The following LRMDA variants were observed in gnomAD, a reference collection of about 807,000 sequenced individuals.
LRMDA encodes leucine rich melanocyte differentiation associated, also known as leucine-rich melanocyte differentiation-associated protein.
A neutral mutation model predicts 29.8 loss-of-function variants in LRMDA; 18 were observed. The observed-to-expected ratio is 0.60, with a 90% CI of 0.42 to 0.90. The LOEUF is 0.90. Ranked by LOEUF, LRMDA falls within the 40% of genes least tolerant of loss-of-function variation. LRMDA has a pLI of 0.00. For missense variants in LRMDA, 273 were observed against 273.9 expected, an observed-to-expected ratio of 1.00 and a Z score of 0.02; for synonymous variants, 125 against 109.4, an observed-to-expected ratio of 1.14 and a Z score of -0.89.
In LRMDA at chr10:75,741,635, C is replaced by T. The variant is rs114475850; in HGVS notation, c.132-294373C>T. On this transcript the variant is annotated intron_variant, in intron 2 of 6. Transcript: ENST00000611255. ...TCTACCACAAGGGTATTTGGTGTGA[C>T]GTTTATGCTGTGGATTTTTCAGAGC... Among the ~76,000 whole-genome samples, 605 of 152,178 alleles carry T rather than the reference C, an allele frequency of 4.0e-3. 5 individuals are homozygous for T. The highest frequency in any genetic ancestry group is 0.014 in the African/African-American group (564 of 41,498).
At chr10:76,038,734 G>A (rs906280325) in intron 3 of LRMDA, among the ~76,000 whole-genome samples, 1 of 152,132 alleles carries the variant, frequency 6.6e-6, no homozygotes, top group African/African-American at 2.4e-5. Flanking sequence ...CAATTTCTAG[G>A]TTCCATATTG....
At chr10:75,759,248 C>A (rs1843067052) in intron 2 of LRMDA, among the ~76,000 whole-genome samples, 1 of 152,158 alleles carries the variant, frequency 6.6e-6, no homozygotes, top group South Asian at 2.1e-4. Context: ...GCTTGATATA[C>A]TGAATATTTC....
intron 6 of LRMDA, chr10:76,346,548 A>G (rs987033939): frequency 1.3e-5 from 2 of 152,220 alleles, no homozygotes; most frequent in African/African-American, 4.8e-5. Flanking sequence ...GGAGAAAAAT[A>G]TAGAGGTACG....
intron 6 of LRMDA, among the ~76,000 whole-genome samples, chr10:76,444,402 G>A (rs1258119415): frequency 6.6e-6 from 1 of 152,170 alleles, no homozygotes; most frequent in South Asian, 2.1e-4. Flanking sequence ...AGCTGGGCTC[G>A]AGCCCTGGTC....
chr10:75,782,835 A>G (rs1436508873), intron 2 of LRMDA: 9 of 1,493,316 alleles, frequency 6.0e-6, no homozygotes, highest in South Asian at 1.3e-5. Flanking sequence ...GCCGGCGTGC[A>G]TGTGTTTTAG....
At chr10:76,389,085 A>G (rs569304809) in intron 6 of LRMDA, among the ~76,000 whole-genome samples, 1 of 151,978 alleles carries the variant, frequency 6.6e-6, no homozygotes, top group East Asian at 1.9e-4. Context: ...CTGAGTTATG[A>G]AGGATTAACA....
At chr10:76,241,321 A>G (rs1396326742) in intron 5 of LRMDA, among the ~76,000 whole-genome samples, 1 of 152,238 alleles carries the variant, frequency 6.6e-6, no homozygotes, top group African/African-American at 2.4e-5. Flanking sequence ...TTCCACTGAA[A>G]GAATCAGCTG....
intron 2 of LRMDA, among the ~76,000 whole-genome samples, chr10:75,731,974 G>A (rs928537341): frequency 1.3e-5 from 2 of 152,002 alleles, no homozygotes; most frequent in Admixed American, 6.5e-5. Flanking sequence ...TTATTCCTTT[G>A]GATTATCTGC....
chr10:76,258,965 C>T (rs1210365110), intron 5 of LRMDA, among the ~76,000 whole-genome samples: 1 of 151,996 alleles, frequency 6.6e-6, no homozygotes, highest in Non-Finnish European at 1.5e-5. Flanking sequence ...GATTTCCTTT[C>T]CTTTATATAC....
At chr10:76,490,808 C>T (rs1415893653) in intron 6 of LRMDA, among the ~76,000 whole-genome samples, 1 of 151,924 alleles carries the variant, frequency 6.6e-6, no homozygotes, top group Non-Finnish European at 1.5e-5. Flanking sequence ...TTGTTTCTGG[C>T]ATTTTGTGAT....
intron 5 of LRMDA, among the ~76,000 whole-genome samples, chr10:76,067,996 G>A (rs570457280): frequency 6.6e-6 from 1 of 152,244 alleles, no homozygotes. Flanking sequence ...CTGCAAGAAG[G>A]GGGCAGGCAG....
chr10:76,203,873 C>T (rs929145705), intron 5 of LRMDA, among the ~76,000 whole-genome samples: 1 of 147,906 alleles, frequency 6.8e-6, no homozygotes, highest in African/African-American at 2.5e-5. Flanking sequence ...TCCCATCCAC[C>T]CATCTCTATC....
intron 2 of LRMDA, among the ~76,000 whole-genome samples, chr10:75,709,362 GTGTGTGCGTGCATGCGTATGTGTGCC>G (rs1564546166): frequency 6.6e-6 from 1 of 151,966 alleles, no homozygotes. Context: ...GTGTGTGTCT[GTGTGTGCGTGCATGCGTATGTGTGCC>G]TGTGTGTGTG....
chr10:75,473,592 A>G (rs753912520), intron 2 of LRMDA, among the ~76,000 whole-genome samples: 100 of 152,362 alleles, frequency 6.6e-4, no homozygotes, highest in Non-Finnish European at 1.2e-3. Flanking sequence ...CTCCAAAGGC[A>G]GACTGCTCAG....
chr10:76,148,377 C>T (rs1179852430), intron 5 of LRMDA, among the ~76,000 whole-genome samples: 1 of 152,178 alleles, frequency 6.6e-6, no homozygotes, highest in Non-Finnish European at 1.5e-5. Context: ...AATCAAACAA[C>T]TAACTGGGCA....
rs568076392 is a variant in LRMDA at position 75,464,049 on chromosome 10, G to T, written c.131+25555G>T. On this transcript the variant is annotated intron_variant, in intron 2 of 6. Transcript: ENST00000611255. ...ACTCTTGACCTCAGGTGATCTACCC[G>T]CCTCGGCCTCCCAAAGTGCTGGGAT... 5.3e-5 allele frequency among the ~76,000 whole-genome samples: 8 copies of T among 151,858 alleles called. No individual in the cohort carries two copies. The South Asian group carries it at 8.3e-4, about 16-fold the overall frequency.
chr10:76,066,002 C>G (rs984670589), intron 5 of LRMDA, among the ~76,000 whole-genome samples: 1 of 152,204 alleles, frequency 6.6e-6, no homozygotes, highest in African/African-American at 2.4e-5. Flanking sequence ...CAACCACAGA[C>G]CTCTACATGA....
intron 2 of LRMDA, among the ~76,000 whole-genome samples, chr10:75,842,107 G>A (rs4746335): frequency 0.37 from 56,136 of 152,084 alleles, 12,187 homozygotes; most frequent in South Asian, 0.5. Flanking sequence ...CTAAGTCGGG[G>A]TTGGCAAACT....
chr10:75,856,720 A>T lies in LRMDA; in HGVS notation c.132-179288A>T, dbSNP rs533419417. On this transcript the variant is annotated intron_variant, in intron 2 of 6. Coordinates refer to ENST00000611255, the MANE Select transcript of LRMDA (RefSeq NM_001305581.2). ...GGTGTCTATGACAAACCCACAGCCA[A>T]TATCATACTGAATGGGCAAAAACTG... Among the ~76,000 whole-genome samples, 363 of 152,342 alleles carry T rather than the reference A, an allele frequency of 2.4e-3. 2 individuals carry two copies. Among genetic ancestry groups the T allele is most frequent in the African/African-American group, 8.4e-3 (351 of 41,576 alleles).
Sources: gnomAD v4.1 joint callset for allele counts (sites outside exome capture counted in the v4.1 genomes callset) on GRCh38, gnomAD v4.1.1 for gene constraint, MANE v1.5 for transcripts, NCBI Gene and HGNC (gene_info 2026-07-23, HGNC 2026-07-21) for gene names.